KIAA1328: variants seen among roughly 807,000 people sequenced by gnomAD.
KIAA1328 encodes the protein protein hinderin.
In KIAA1328, 52 loss-of-function variants were observed where a neutral mutation model predicts 68.1. The observed-to-expected ratio is 0.76, with a 90% CI of 0.61 to 0.96. KIAA1328 has a LOEUF of 0.96. Ranked by LOEUF, KIAA1328 falls within the 40% of genes least tolerant of loss-of-function variation. KIAA1328 has a pLI of 0.00. For missense variants in KIAA1328, 641 were observed against 677.6 expected, an observed-to-expected ratio of 0.95 and a Z score of 0.60; for synonymous variants, 232 against 239.4, an observed-to-expected ratio of 0.97 and a Z score of 0.28.
chr18:37,139,607 T>C (rs1261943541), intron 7 of KIAA1328, among the ~76,000 whole-genome samples: 2 of 152,198 alleles, frequency 1.3e-5, no homozygotes, highest in Non-Finnish European at 1.5e-5. Flanking sequence ...AAGTAGACGA[T>C]TTTTGCTAGA....
intron 5 of KIAA1328, among the ~76,000 whole-genome samples, chr18:36,931,243 C>T (rs763139412): frequency 2.0e-5 from 3 of 152,106 alleles, no homozygotes; most frequent in Non-Finnish European, 2.9e-5. Context: ...CAGACCAGTA[C>T]TGGTTAGTGA....
intron 7 of KIAA1328, among the ~76,000 whole-genome samples, chr18:37,087,565 A>G (rs892381765): frequency 3.1e-4 from 47 of 152,304 alleles, no homozygotes; most frequent in Admixed American, 2.0e-3. Flanking sequence ...CTGATGATCC[A>G]CCTATATTGT....
intron 4 of KIAA1328, among the ~76,000 whole-genome samples, chr18:36,852,392 A>T (rs142006214): frequency 5.3e-5 from 8 of 152,318 alleles, no homozygotes; most frequent in African/African-American, 1.9e-4. Flanking sequence ...GTGAGTAAAC[A>T]GAAAACTGTT....
At chr18:37,169,646 G>T (rs541985987) in intron 8 of KIAA1328, among the ~76,000 whole-genome samples, 1 of 152,226 alleles carries the variant, frequency 6.6e-6, no homozygotes, top group East Asian at 1.9e-4. Flanking sequence ...ATTAAAAGCT[G>T]ATGTATAGCT....
chr18:36,921,471 T>C (rs752731726), intron 5 of KIAA1328, among the ~76,000 whole-genome samples: 6 of 152,074 alleles, frequency 3.9e-5, no homozygotes, highest in Admixed American at 1.3e-4. Context: ...TGGCGTCATA[T>C]CGGCTCACTG....
chr18:37,100,868 C>G (rs956916585), intron 7 of KIAA1328, among the ~76,000 whole-genome samples: 2 of 152,182 alleles, frequency 1.3e-5, no homozygotes, highest in African/African-American at 4.8e-5. Context: ...TCACCAATAT[C>G]CGCTGTTCTG....
intron 7 of KIAA1328, among the ~76,000 whole-genome samples, chr18:37,157,639 A>G (rs748546981): frequency 8.6e-5 from 13 of 151,506 alleles, no homozygotes; most frequent in African/African-American, 1.7e-4. Flanking sequence ...GTGAAACCCC[A>G]TCTCTACTAA....
intron 7 of KIAA1328, among the ~76,000 whole-genome samples, chr18:37,098,956 CTT>C (rs1205623248): frequency 6.6e-6 from 1 of 151,766 alleles, no homozygotes; most frequent in Non-Finnish European, 1.5e-5. Context: ...CTATTTGATT[CTT>C]CTCTCTTTTC....
intron 3 of KIAA1328, among the ~76,000 whole-genome samples, chr18:36,836,686 G>GTA (rs1404612364): frequency 2.6e-5 from 4 of 151,756 alleles, no homozygotes; most frequent in Non-Finnish European, 5.9e-5. Flanking sequence ...TTTTGATTTT[G>GTA]TATGTGTTTA....
intron 7 of KIAA1328, among the ~76,000 whole-genome samples, chr18:37,153,582 C>T (rs1214833029): frequency 2.7e-5 from 4 of 149,274 alleles, no homozygotes; most frequent in East Asian, 2.0e-4. Flanking sequence ...ATTCTCTTTC[C>T]GTGTTCACAG....
chr18:36,885,473 A>G (rs1307322606), intron 4 of KIAA1328, 84 bp from the exon 5 acceptor site: 2 of 697,076 alleles, frequency 2.9e-6, no homozygotes, highest in Non-Finnish European at 2.3e-6. Context: ...CTTTGGAAGA[A>G]GTCTGGTTTT....
intron 4 of KIAA1328, among the ~76,000 whole-genome samples, chr18:36,846,820 G>A (rs1187522897): frequency 6.6e-6 from 1 of 151,378 alleles, no homozygotes; most frequent in African/African-American, 2.4e-5. Flanking sequence ...ATTTTTAAGT[G>A]TACAGTTCAA....
chr18:37,077,409 C>A (rs866628766), intron 7 of KIAA1328, among the ~76,000 whole-genome samples: 1 of 148,706 alleles, frequency 6.7e-6, no homozygotes, highest in Non-Finnish European at 1.5e-5. Flanking sequence ...AGCATTCCCT[C>A]TGAAAACTGG....
At chr18:36,896,496 T>C (rs1282068214) in intron 5 of KIAA1328, among the ~76,000 whole-genome samples, 1 of 152,194 alleles carries the variant, frequency 6.6e-6, no homozygotes, top group African/African-American at 2.4e-5. Context: ...CAAATAAATG[T>C]GGATTGGGGC....
intron 7 of KIAA1328, among the ~76,000 whole-genome samples, chr18:37,098,674 G>A (rs920404061): frequency 5.9e-5 from 9 of 152,108 alleles, no homozygotes; most frequent in Admixed American, 4.6e-4. Flanking sequence ...TGTACCTCTG[G>A]TAGAATTCGG....
Position 36,908,635 on chromosome 18 carries a change from T to A in KIAA1328, c.448+22963T>A, listed in dbSNP as rs2049311102. On this transcript the variant is annotated intron_variant, in intron 5 of 9. Coordinates refer to ENST00000280020, the MANE Select transcript of KIAA1328 (RefSeq NM_020776.3). ...GATTATGGGTGTGAGCTACCGCACC[T>A]GGCCCATGAAGATTTTTAATAGCTA... Among the ~76,000 whole-genome samples the A allele has an allele frequency of 2.0e-5, 3 of 152,166 alleles. No individual in the cohort carries two copies. In the South Asian group the frequency reaches 6.2e-4, roughly 31 times the overall value.
chr18:37,034,254 A>C (rs890367306), intron 6 of KIAA1328, among the ~76,000 whole-genome samples: 1 of 152,198 alleles, frequency 6.6e-6, no homozygotes, highest in Non-Finnish European at 1.5e-5. Flanking sequence ...GTAATACAAA[A>C]AAAGGTATAT....
chr18:37,100,132 G>C (rs552396894), intron 7 of KIAA1328, among the ~76,000 whole-genome samples: 1 of 152,304 alleles, frequency 6.6e-6, no homozygotes, highest in Admixed American at 6.5e-5. Context: ...TTCCAACTGA[G>C]GTACCAGGTT....
At chr18:37,046,729 T>A (rs964223615) in intron 6 of KIAA1328, among the ~76,000 whole-genome samples, 1 of 152,228 alleles carries the variant, frequency 6.6e-6, no homozygotes, top group African/African-American at 2.4e-5. Flanking sequence ...CGCAATAGAT[T>A]GTGCCTAAAC....
Sources: allele counts gnomAD v4.1 joint callset (sites outside exome capture counted in the v4.1 genomes callset), GRCh38; gene constraint gnomAD v4.1.1; transcripts MANE v1.5; gene names NCBI Gene and HGNC (gene_info 2026-07-23, HGNC 2026-07-21).